Variants in ILRUN observed in about 807,000 individuals in gnomAD.
The protein encoded by ILRUN is inflammation and lipid regulator with UBA-like and NBR1-like domains.
A neutral mutation model predicts 33.8 loss-of-function variants in ILRUN; 3 were observed. That is an observed-to-expected ratio of 0.09 (90% CI 0.04 to 0.23). The LOEUF is 0.23. Among genes scored for constraint, ILRUN ranks in the 10% least tolerant of loss-of-function variants. The probability of loss-of-function intolerance (pLI) is 1.00; values close to 1 mark genes in which losing one functional copy is unlikely to be tolerated. For synonymous variants in ILRUN, 124 were observed against 138.9 expected (o/e 0.89, Z 0.75); for missense variants, 210 against 375.1 (o/e 0.56, Z 3.64).
intron 3 of ILRUN, among the ~76,000 whole-genome samples, chr6:34,608,347 C>A (rs1382107320): frequency 1.3e-5 from 2 of 151,694 alleles, no homozygotes. Flanking sequence ...TGTGCCACTG[C>A]ACTCTAGCCT....
intron 3 of ILRUN, among the ~76,000 whole-genome samples, chr6:34,620,636 T>C (rs1761994112): frequency 6.6e-6 from 1 of 152,106 alleles, no homozygotes; most frequent in Admixed American, 6.5e-5. Context: ...CCCACAAGTG[T>C]AGCAACACAG....
chr6:34,648,959 T>C (rs1028797708), intron 2 of ILRUN, among the ~76,000 whole-genome samples: 1 of 152,240 alleles, frequency 6.6e-6, no homozygotes, highest in African/African-American at 2.4e-5. Flanking sequence ...GATTGGGTCA[T>C]CTTAGCTGTG....
chr6:34,666,857 A>C (rs1349618417), intron 1 of ILRUN, among the ~76,000 whole-genome samples: 2 of 152,230 alleles, frequency 1.3e-5, no homozygotes, highest in Non-Finnish European at 2.9e-5. Flanking sequence ...GTTCTGGGCA[A>C]CCAACTCTTC....
intron 4 of ILRUN, chr6:34,595,977 T>C: frequency 2.2e-6 from 2 of 923,606 alleles, no homozygotes; most frequent in Non-Finnish European, 2.6e-6. Flanking sequence ...GAATACAGGG[T>C]TTAGTACTAA....
Position 34,592,183 on chromosome 6 carries a change from T to TG in ILRUN, c.862-1584dup, listed in dbSNP as rs1761307710. Among the ~76,000 whole-genome samples the TG allele has an allele frequency of 1.3e-5, 2 of 152,216 alleles. No individual in the cohort carries two copies. The highest frequency in any genetic ancestry group is 1.3e-4 in the Admixed American group (2 of 15,282). On this transcript the variant is annotated intron_variant, in intron 4 of 4. Coordinates refer to ENST00000374023, the MANE Select transcript of ILRUN (RefSeq NM_024294.4). This position sits in a 1 kb window ranked among gnomAD's most constrained non-coding sequence, Gnocchi z 4.0. ...AACAAAAAATCCTCAGGAGATGATT[T>TG]GGGGAATGGACAGGCCAATACCAAT...
chr6:34,605,845 A>G (rs1170333508), intron 4 of ILRUN, among the ~76,000 whole-genome samples: 1 of 152,216 alleles, frequency 6.6e-6, no homozygotes, highest in African/African-American at 2.4e-5. Flanking sequence ...AGAGAAGAAT[A>G]CACAGGAATG....
intron 3 of ILRUN, among the ~76,000 whole-genome samples, chr6:34,641,995 C>CT (rs1386853840): frequency 1.8e-4 from 27 of 152,208 alleles, no homozygotes; most frequent in African/African-American, 6.3e-4. Flanking sequence ...GTTTGAGGCA[C>CT]TAAGGACAAG....
intron 3 of ILRUN, among the ~76,000 whole-genome samples, chr6:34,634,796 C>A (rs1762322374): frequency 6.6e-6 from 1 of 152,096 alleles, no homozygotes. Context: ...TAATTGAAAA[C>A]CTAAACACCT....
At chr6:34,638,240 A>T (rs1762405481) in intron 3 of ILRUN, among the ~76,000 whole-genome samples, 1 of 152,110 alleles carries the variant, frequency 6.6e-6, no homozygotes, top group Non-Finnish European at 1.5e-5. Flanking sequence ...CACCAAAACA[A>T]ACAATCACCA....
At chr6:34,676,441 GCT>G (rs1763232672) in intron 1 of ILRUN, among the ~76,000 whole-genome samples, 1 of 151,238 alleles carries the variant, frequency 6.6e-6, no homozygotes, top group African/African-American at 2.4e-5. Flanking sequence ...TAGCTAGCTA[GCT>G]AGATAGATAG....
intron 3 of ILRUN, among the ~76,000 whole-genome samples, chr6:34,641,134 A>C (rs542834657): frequency 1.3e-5 from 2 of 151,858 alleles, no homozygotes; most frequent in South Asian, 4.2e-4. Context: ...AAAAACAGAA[A>C]CCTCCAAAAA....
chr6:34,662,124 CAAAAAAAAAAA>C (rs57423564), intron 1 of ILRUN, among the ~76,000 whole-genome samples: 6 of 39,994 alleles, frequency 1.5e-4, no homozygotes, highest in East Asian at 8.5e-4. Context: ...GACTCCGTCT[CAAAAAAAAAAA>C]AAAAAAAAAA....
intron 4 of ILRUN, among the ~76,000 whole-genome samples, chr6:34,602,359 T>C (rs747650954): frequency 2.6e-5 from 4 of 152,176 alleles, no homozygotes; most frequent in Admixed American, 6.5e-5. Flanking sequence ...TAGAAAACAG[T>C]GAAATTTTAA....
intron 1 of ILRUN, among the ~76,000 whole-genome samples, chr6:34,683,419 C>CATAT: frequency 1.3e-5 from 1 of 78,602 alleles, no homozygotes; most frequent in African/African-American, 7.3e-5. Flanking sequence ...TATATATATA[C>CATAT]ATATATATAC....
intron 3 of ILRUN, among the ~76,000 whole-genome samples, chr6:34,615,560 C>T (rs1761868863): frequency 6.6e-6 from 1 of 152,188 alleles, no homozygotes; most frequent in African/African-American, 2.4e-5. Context: ...CATGCCACTA[C>T]ACTCCAGCCT....
rs537172828 is a variant in ILRUN, at chr6:34,673,827, C to CCACA, written c.159-19052_159-19049dup. Among the ~76,000 whole-genome samples, 241 of 107,738 alleles carry CCACA rather than the reference C, an allele frequency of 2.2e-3. 4 individuals are homozygous for CCACA. The highest frequency in any genetic ancestry group is 0.02 in the Middle Eastern group (4 of 204). The allele number at this position is 107,738 out of a possible 152,430, so 70.7% of individuals were successfully genotyped here. ...GATCCTGTCTCAAAAACAGTAACAA[C>CCACA]CACATACACACACACACACACACAC... On this transcript the variant is annotated intron_variant, in intron 1 of 4. Coordinates refer to ENST00000374023, the MANE Select transcript of ILRUN (RefSeq NM_024294.4).
chr6:34,613,143 G>C (rs1270485237), intron 3 of ILRUN, among the ~76,000 whole-genome samples: 1 of 152,114 alleles, frequency 6.6e-6, no homozygotes, highest in Non-Finnish European at 1.5e-5. Context: ...CCTAAGAGGA[G>C]GTGGAGGTTG....
chr6:34,672,196 G>A (rs975541348), intron 1 of ILRUN, among the ~76,000 whole-genome samples: 3 of 151,680 alleles, frequency 2.0e-5, no homozygotes, highest in Admixed American at 6.6e-5. Context: ...TTTGCCTCCC[G>A]GGTTCTCCTG....
At chr6:34,596,894 C>T (rs1023206000) in intron 4 of ILRUN, among the ~76,000 whole-genome samples, 1 of 152,148 alleles carries the variant, frequency 6.6e-6, no homozygotes, top group African/African-American at 2.4e-5. Flanking sequence ...CTAACCTCTA[C>T]AGTCCTGTTG....
Sources: allele counts gnomAD v4.1 joint callset (sites outside exome capture counted in the v4.1 genomes callset), GRCh38; gene constraint gnomAD v4.1.1; non-coding constraint Gnocchi (gnomAD v3.1); transcripts MANE v1.5; gene names NCBI Gene and HGNC (gene_info 2026-07-23, HGNC 2026-07-21).